The following MIGA2 variants were observed in gnomAD, a reference collection of about 807,000 sequenced individuals.
The protein encoded by MIGA2 is mitoguardin 2.
MIGA2 carries 36 observed loss-of-function variants against 69.9 expected under a neutral mutation model. The ratio of observed to expected loss-of-function variants is 0.52; its 90% confidence interval spans 0.39 to 0.68. MIGA2 has a LOEUF of 0.68. Ranked by LOEUF, MIGA2 falls within the 30% of genes least tolerant of loss-of-function variation. The pLI is 0.00. For missense variants in MIGA2, 660 were observed against 787.7 expected (o/e 0.84, Z 1.94); for synonymous variants, 333 against 349.2 (o/e 0.95, Z 0.52).
At chr9:129,050,336 G>A (rs12337916) in intron 6 of MIGA2, among the ~76,000 whole-genome samples, 2,546 of 152,200 alleles carry the variant, frequency 0.017, 69 homozygotes, top group African/African-American at 0.053. Flanking sequence ...GTGCAGTGGC[G>A]CAATCTTGGC....
chr9:129,063,299 G>A lies in MIGA2; in HGVS notation c.1066G>A (p.Val356Met). The A allele has an allele frequency of 6.2e-7, 1 of 1,614,122 alleles. No individual in the cohort carries two copies. Among genetic ancestry groups the A allele is most frequent in the Non-Finnish European group, 8.5e-7 (1 of 1,180,024 alleles). ...GGACTTTCTGGCCAAGCTGCACTGT[G>A]TGCGGCAGGCCTTCGAGGTGGGTGT... ...DQDFLAKLHC[V>M]RQAFEGLLED... The change falls in exon 10 of 16, where the codon GTG (valine) becomes ATG (methionine). Residue 356 changes from valine to methionine, a missense_variant. Physicochemically the swap from Val to Met is conservative, Grantham distance 21 (BLOSUM62 1). Coordinates refer to ENST00000684074, the MANE Select transcript of MIGA2 (RefSeq NM_001329990.2).
chr9:129,044,471 G>C (rs1487140226), intron 3 of MIGA2, among the ~76,000 whole-genome samples: 1 of 152,136 alleles, frequency 6.6e-6, no homozygotes, highest in Non-Finnish European at 1.5e-5. Context: ...TACGGCTCCT[G>C]TTAATCTTGT....
intron 10 of MIGA2, 108 bp from the exon 11 acceptor site, chr9:129,063,437 C>T: frequency 6.5e-7 from 1 of 1,545,626 alleles, no homozygotes; most frequent in East Asian, 2.2e-5. Context: ...CACTGGGCTC[C>T]TCTGTGGCAG....
chr9:129,045,150 C>CAA (rs543356730), intron 3 of MIGA2, among the ~76,000 whole-genome samples: 68 of 86,158 alleles, frequency 7.9e-4, no homozygotes, highest in African/African-American at 1.8e-3. Context: ...GACTCTATCT[C>CAA]AAAAAAAAAA....
At position 129,060,698 on chromosome 9, in the gene MIGA2, T is replaced by C. The variant is rs1325604800; in HGVS notation, c.894+48T>C. 1.6e-5 allele frequency: 24 copies of C among 1,469,096 alleles called. No homozygotes were observed. The highest frequency in any genetic ancestry group is 2.0e-5 in the Admixed American group (1 of 50,292). The allele number at this position is 1,469,096 out of a possible 1,614,324, so 91.0% of individuals were successfully genotyped here. On this transcript the variant is annotated intron_variant, in intron 8 of 15. Coordinates refer to ENST00000684074, the MANE Select transcript of MIGA2 (RefSeq NM_001329990.2). The surrounding 1 kb of genome is among the most constrained non-coding windows in gnomAD (Gnocchi z 4.8). ...CCTGGGGTGGGGTGAAGGCTGGGCC[T>C]CCTCTGCAGGTCCATGGGGCCAGCA...
In MIGA2 at chr9:129,069,423, G is replaced by T; in HGVS notation, c.1458+294G>T. ...GGCCTGGTGCAGGCGTCTCGGTGGG[G>T]GCAGGATACCCAGGAGCAAGCAGAG... On this transcript the variant is annotated intron_variant, in intron 14 of 15. Transcript: ENST00000684074. The surrounding 1 kb of genome is among the most constrained non-coding windows in gnomAD (Gnocchi z 4.9). 1 of 506,284 alleles carries T rather than the reference G, an allele frequency of 2.0e-6. No individual in the cohort carries two copies. The highest frequency in any genetic ancestry group is 2.0e-5 in the African/African-American group (1 of 50,960). 31.4% of individuals were successfully genotyped at this position (506,284 alleles called of 1,614,324 possible).
At chr9:129,046,971 G>T (rs62585605) in intron 3 of MIGA2, 3 of 151,612 alleles carry the variant, frequency 2.0e-5, no homozygotes, top group Admixed American at 1.3e-4. Flanking sequence ...TAGTGACGGG[G>T]TTTCTCCATG....
Position 129,061,131 on chromosome 9 carries a change from TG to T in MIGA2, c.895-96del. The T allele has an allele frequency of 4.1e-6, 4 of 978,264 alleles. No homozygotes were observed. Among genetic ancestry groups the T allele is most frequent in the Non-Finnish European group, 4.7e-6 (3 of 632,438 alleles). 60.6% of individuals were successfully genotyped at this position (978,264 alleles called of 1,614,324 possible). ...GAGACGTTGGCAGTGGGCAGGCACC[TG>T]GGGTGGCCGCTGTGGCCGACCAATG... On this transcript the variant is annotated intron_variant, in intron 8 of 15. Transcript: ENST00000684074. The surrounding 1 kb of genome is among the most constrained non-coding windows in gnomAD (Gnocchi z 5.0).
intron 6 of MIGA2, among the ~76,000 whole-genome samples, chr9:129,057,240 A>T (rs115268371): frequency 3.3e-5 from 5 of 151,874 alleles, no homozygotes; most frequent in Non-Finnish European, 7.4e-5. Context: ...TTTCTCCTCA[A>T]TGATTTTCTT....
chr9:129,060,828 G>A lies in MIGA2; in HGVS notation c.894+178G>A, dbSNP rs1375517391. On this transcript the variant is annotated intron_variant, in intron 8 of 15. Coordinates refer to ENST00000684074, the MANE Select transcript of MIGA2 (RefSeq NM_001329990.2). This position sits in a 1 kb window ranked among gnomAD's most constrained non-coding sequence, Gnocchi z 4.8. ...GATGGGGGGTGCTGAGAAATCGGGG[G>A]CTGTTGTCCTGTGGGTGAGAGCAGG... Among the ~76,000 whole-genome samples the A allele has an allele frequency of 2.6e-5, 4 of 151,988 alleles. No individual in the cohort carries two copies. The highest frequency in any genetic ancestry group is 5.9e-5 in the Non-Finnish European group (4 of 67,964).
rs1284082552 is a variant in MIGA2, at chr9:129,067,823, G to A, written c.1221G>A (p.Leu407=). 1 of 1,613,284 alleles carries A rather than the reference G, an allele frequency of 6.2e-7. No homozygotes were observed. The change falls in exon 12 of 16, where the codon CTG becomes CTA. Residue 407 remains leucine, a synonymous_variant. Transcript: ENST00000684074. ...ESYEEMLSYA[L]RPETWATTRL... ...ACGAGGAGATGCTGAGCTATGCCCT[G>A]CGGCCCGAGACCTGGGCCACAACAC...
At position 129,061,317 on chromosome 9, in the gene MIGA2, G is replaced by A. The variant is rs1312448878; in HGVS notation, c.981G>A (p.Lys327=). 1.9e-6 allele frequency: 3 copies of A among 1,612,602 alleles called. No individual in the cohort carries two copies. The highest frequency in any genetic ancestry group is 2.5e-6 in the Non-Finnish European group (3 of 1,179,874). The part of the protein sequence containing the change: ...AAYEEALQLV[K]EGRVPCRTLR... ...ATGAGGAGGCCCTGCAGCTGGTGAAGGAGGGGAGAGTGCCTTGCCGGACCC... is the reference window on the plus strand; with the variant it reads ...ATGAGGAGGCCCTGCAGCTGGTGAAAGAGGGGAGAGTGCCTTGCCGGACCC... The change falls in exon 9 of 16, where the codon AAG becomes AAA. Residue 327 remains lysine (K), a synonymous_variant. Coordinates refer to ENST00000684074, the MANE Select transcript of MIGA2 (RefSeq NM_001329990.2). The surrounding 1 kb of genome is among the most constrained non-coding windows in gnomAD (Gnocchi z 5.0).
rs1845997811 is a variant in MIGA2, at chr9:129,060,295, AGCC to A, written c.794-253_794-251del. On this transcript the variant is annotated intron_variant, in intron 7 of 15. Coordinates refer to ENST00000684074, the MANE Select transcript of MIGA2 (RefSeq NM_001329990.2). The surrounding 1 kb of genome is among the most constrained non-coding windows in gnomAD (Gnocchi z 4.8). ...TGTGAGCCTGGCAGAGCCGCTCACC[AGCC>A]GAGGGCTCACACCTGAGGCTGACGA... is the stretch of plus-strand genomic sequence containing the variant. Among the ~76,000 whole-genome samples, 1 of 152,220 alleles carries A rather than the reference AGCC, an allele frequency of 6.6e-6. No individual in the cohort carries two copies.
At chr9:129,058,350 A>G (rs75009959) in intron 6 of MIGA2, among the ~76,000 whole-genome samples, 2,717 of 149,200 alleles carry the variant, frequency 0.018, 105 homozygotes, top group Admixed American at 0.094. Flanking sequence ...TTGTGGTTAG[A>G]TGTGATTGCG....
At chr9:129,046,198 T>G (rs1216670241) in intron 3 of MIGA2, among the ~76,000 whole-genome samples, 27 of 152,234 alleles carry the variant, frequency 1.8e-4, no homozygotes, top group Non-Finnish European at 3.4e-4. Context: ...AAGAGGACCC[T>G]GAGAGACACT....
At chr9:129,053,495 T>G (rs1037181526) in intron 6 of MIGA2, among the ~76,000 whole-genome samples, 4 of 151,584 alleles carry the variant, frequency 2.6e-5, no homozygotes, top group Non-Finnish European at 5.9e-5. Flanking sequence ...TCCCGAGTAG[T>G]TTGGATTACA....
chr9:129,065,350 ATT>A (rs376988694), intron 11 of MIGA2, among the ~76,000 whole-genome samples: 1 of 145,016 alleles, frequency 6.9e-6, no homozygotes. Context: ...TATCTATAGG[ATT>A]TTTTTTTTTT....
intron 6 of MIGA2, among the ~76,000 whole-genome samples, chr9:129,050,841 G>A (rs557680787): frequency 1.3e-5 from 2 of 151,968 alleles, no homozygotes; most frequent in Non-Finnish European, 2.9e-5. Flanking sequence ...AAAGTGGTGA[G>A]ATTACAGGTG....
intron 2 of MIGA2, among the ~76,000 whole-genome samples, chr9:129,041,224 A>G (rs1009852066): frequency 2.0e-5 from 3 of 152,172 alleles, no homozygotes; most frequent in African/African-American, 7.2e-5. Context: ...AGTCCCAGCT[A>G]CTTGGGAGGC....
Sources: gnomAD v4.1 joint callset for allele counts (sites outside exome capture counted in the v4.1 genomes callset) on GRCh38, gnomAD v4.1.1 for gene constraint, Gnocchi (gnomAD v3.1) non-coding constraint, MANE v1.5 for transcripts, NCBI Gene and HGNC (gene_info 2026-07-23, HGNC 2026-07-21) for gene names.